The following PRKG1 variants were observed in gnomAD, a reference collection of about 807,000 sequenced individuals.
PRKG1 encodes the protein protein kinase cGMP-dependent 1.
In PRKG1, 35 loss-of-function variants were observed where a neutral mutation model predicts 88.1. That is an observed-to-expected ratio of 0.40 (90% CI 0.30 to 0.53). PRKG1 has a LOEUF of 0.53. Ranked by LOEUF, PRKG1 falls within the 20% of genes least tolerant of loss-of-function variation. PRKG1 has a pLI of 0.59. For missense variants in PRKG1, 540 were observed against 839.8 expected (o/e 0.64, Z 4.41); for synonymous variants, 303 against 292.5 (o/e 1.04, Z -0.37).
At chr10:52,278,899 T>C (rs962834076) in intron 12 of PRKG1, among the ~76,000 whole-genome samples, 3 of 139,040 alleles carry the variant, frequency 2.2e-5, no homozygotes, top group African/African-American at 8.4e-5. Flanking sequence ...TGAGACTCCA[T>C]CTCAAAAAAA....
chr10:52,225,335 G>A (rs142856737), intron 9 of PRKG1, among the ~76,000 whole-genome samples: 9 of 152,044 alleles, frequency 5.9e-5, no homozygotes, highest in Non-Finnish European at 1.2e-4. Flanking sequence ...AGGCTTGTTC[G>A]TTTTATTTCT....
chr10:51,571,941 C>T (rs557090665), intron 3 of PRKG1, among the ~76,000 whole-genome samples: 8 of 150,602 alleles, frequency 5.3e-5, no homozygotes, highest in African/African-American at 9.8e-5. Context: ...GGAAAGCATA[C>T]GAAATATTGT....
intron 2 of PRKG1, among the ~76,000 whole-genome samples, chr10:51,253,982 T>G (rs1199986742): frequency 6.6e-6 from 1 of 152,022 alleles, no homozygotes; most frequent in African/African-American, 2.4e-5. Flanking sequence ...CAGCACAAAC[T>G]ATGATCATTA....
intron 2 of PRKG1, among the ~76,000 whole-genome samples, chr10:51,392,727 A>C (rs1837443492): frequency 6.8e-6 from 1 of 146,186 alleles, no homozygotes; most frequent in African/African-American, 2.5e-5. Context: ...GGCGCCCCTC[A>C]CCTCCCGGAC....
At chr10:52,271,564 T>G in intron 11 of PRKG1, 75 bp downstream of exon 11, 1 of 1,518,802 alleles carries the variant, frequency 6.6e-7, no homozygotes, top group Non-Finnish European at 8.9e-7. Flanking sequence ...CTGCCACTTG[T>G]GCTCACTGTT....
At chr10:51,936,132 C>G (rs1201604112) in intron 5 of PRKG1, among the ~76,000 whole-genome samples, 1 of 151,860 alleles carries the variant, frequency 6.6e-6, no homozygotes, top group Non-Finnish European at 1.5e-5. Context: ...GTTTATTCAG[C>G]CTTGTCAGAA....
At chr10:51,482,295 C>T (rs1388074257) in intron 3 of PRKG1, among the ~76,000 whole-genome samples, 1 of 152,110 alleles carries the variant, frequency 6.6e-6, no homozygotes, top group Non-Finnish European at 1.5e-5. Flanking sequence ...AAATCAAACA[C>T]TATGAGATTT....
intron 2 of PRKG1, among the ~76,000 whole-genome samples, chr10:51,420,298 C>A (rs187877527): frequency 1.1e-4 from 16 of 152,252 alleles, no homozygotes; most frequent in Admixed American, 7.8e-4. Context: ...AGCAGGATTT[C>A]TTAAATCAAT....
intron 3 of PRKG1, among the ~76,000 whole-genome samples, chr10:51,708,284 T>C (rs1240213638): frequency 6.6e-6 from 1 of 152,134 alleles, no homozygotes; most frequent in Non-Finnish European, 1.5e-5. Context: ...CCCATTGTAT[T>C]AGATGAGGGG....
intron 5 of PRKG1, among the ~76,000 whole-genome samples, chr10:51,968,076 A>G (rs750149660): frequency 3.9e-5 from 6 of 152,120 alleles, no homozygotes; most frequent in Non-Finnish European, 7.3e-5. Flanking sequence ...AGTCTTGACT[A>G]TCTTCTTTAT....
At chr10:51,113,338 T>C (rs1461076788) in intron 1 of PRKG1, among the ~76,000 whole-genome samples, 1 of 152,210 alleles carries the variant, frequency 6.6e-6, no homozygotes, top group South Asian at 2.1e-4. Flanking sequence ...TATGCCTTTC[T>C]GTTCCTTCAG....
intron 2 of PRKG1, among the ~76,000 whole-genome samples, chr10:51,306,917 T>G (rs999796346): frequency 6.6e-6 from 1 of 152,128 alleles, no homozygotes; most frequent in Non-Finnish European, 1.5e-5. Context: ...TTGTTTGAAG[T>G]CATGGAGTCT....
At chr10:51,052,321 G>A (rs1020211954) in intron 1 of PRKG1, among the ~76,000 whole-genome samples, 8 of 152,090 alleles carry the variant, frequency 5.3e-5, no homozygotes, top group Non-Finnish European at 7.4e-5. Context: ...ATTTAACCTG[G>A]AATTTTCTTA....
chr10:51,416,477 A>G (rs1032095456), intron 2 of PRKG1, among the ~76,000 whole-genome samples: 1 of 152,204 alleles, frequency 6.6e-6, no homozygotes, highest in African/African-American at 2.4e-5. Flanking sequence ...AAATAGTGTC[A>G]TGGTTTGTCA....
chr10:51,700,214 C>T (rs1191715571), intron 3 of PRKG1, among the ~76,000 whole-genome samples: 2 of 152,182 alleles, frequency 1.3e-5, no homozygotes, highest in African/African-American at 2.4e-5. Context: ...TGGGCCCTGC[C>T]CCCATTCTGT....
intron 9 of PRKG1, among the ~76,000 whole-genome samples, chr10:52,205,374 C>A (rs574480910): frequency 1.3e-5 from 2 of 152,096 alleles, no homozygotes; most frequent in Non-Finnish European, 2.9e-5. Flanking sequence ...TGTGATGTGT[C>A]CCCTGGACAC....
intron 5 of PRKG1, among the ~76,000 whole-genome samples, chr10:52,012,204 G>T (rs923848511): frequency 2.1e-5 from 3 of 145,522 alleles, no homozygotes; most frequent in South Asian, 4.3e-4. Context: ...CTATTGCACA[G>T]TTTTGTTTTT....
At chr10:51,650,318 G>T (rs1840009814) in intron 3 of PRKG1, among the ~76,000 whole-genome samples, 2 of 151,978 alleles carry the variant, frequency 1.3e-5, no homozygotes, top group African/African-American at 4.8e-5. Context: ...CTCTAATATT[G>T]TTTTACTTTT....
chr10:52,290,498 T>C (rs1015064890), intron 17 of PRKG1, among the ~76,000 whole-genome samples: 1 of 152,212 alleles, frequency 6.6e-6, no homozygotes, highest in African/African-American at 2.4e-5. Context: ...TGTTTTACTC[T>C]TCTCTTTTTT....
Sources: gnomAD v4.1 joint callset for allele counts (sites outside exome capture counted in the v4.1 genomes callset) on GRCh38, gnomAD v4.1.1 for gene constraint, MANE v1.5 for transcripts, NCBI Gene and HGNC (gene_info 2026-07-23, HGNC 2026-07-21) for gene names.